Variants in OPA1 observed in about 807,000 individuals in gnomAD.
OPA1 encodes dynamin-like GTPase OPA1, mitochondrial.
Under a neutral mutation model 152.9 loss-of-function variants are expected in OPA1, and 59 were observed. That is an observed-to-expected ratio of 0.39 (90% CI 0.31 to 0.48). The LOEUF is 0.48. Among genes scored for constraint, OPA1 ranks in the 20% least tolerant of loss-of-function variants. OPA1 has a pLI of 0.96. For missense variants in OPA1, 1,008 were observed against 1,216.8 expected (o/e 0.83, Z 2.55); for synonymous variants, 400 against 389.9 (o/e 1.03, Z -0.31).
chr3:193,672,252 G>T (rs1467898061), intron 29 of OPA1, among the ~76,000 whole-genome samples: 1 of 152,090 alleles, frequency 6.6e-6, no homozygotes, highest in Admixed American at 6.5e-5. Context: ...TCTATCTTAT[G>T]ATTGTCATCA....
intron 20 of OPA1, 71 bp downstream of exon 20, chr3:193,648,205 G>A: frequency 8.1e-7 from 1 of 1,228,394 alleles, no homozygotes; most frequent in Non-Finnish European, 1.2e-6. Context: ...AATTTATGTT[G>A]AGAGAAAAAT....
In OPA1 at chr3:193,646,308, G is replaced by A. The variant is rs533964488; in HGVS notation, c.1754+508G>A. The stretch of plus-strand genomic sequence containing the variant: ...GTATGTTTGTTCCTAGGTTAGTACG[G>A]TAAGTCAAGATAGTTCTTGCAAACC... On this transcript the variant is annotated intron_variant, in intron 18 of 30. Coordinates refer to ENST00000361510, the MANE Select transcript of OPA1 (RefSeq NM_130837.3). 1.4e-4 allele frequency among the ~76,000 whole-genome samples: 22 copies of A among 152,320 alleles called. No homozygotes were observed. In the South Asian group the frequency reaches 4.1e-3, roughly 29 times the overall value.
intron 6 of OPA1, among the ~76,000 whole-genome samples, chr3:193,624,771 T>C (rs1272744994): frequency 6.6e-6 from 1 of 152,120 alleles, no homozygotes; most frequent in East Asian, 1.9e-4. Context: ...TGTCTAATAC[T>C]GGCAATGAAC....
chr3:193,620,356 C>G (rs536840736), intron 6 of OPA1, among the ~76,000 whole-genome samples: 52 of 152,222 alleles, frequency 3.4e-4, no homozygotes, highest in African/African-American at 1.2e-3. Flanking sequence ...CCCTTAAAAC[C>G]CGGCTAAGGT....
chr3:193,644,847 A>G (rs539876042), intron 16 of OPA1, among the ~76,000 whole-genome samples: 1 of 152,268 alleles, frequency 6.6e-6, no homozygotes, highest in Non-Finnish European at 1.5e-5. Context: ...TCCTTTTTGT[A>G]TAAAAGATTC....
At chr3:193,678,851 C>T (rs1719635906) in intron 29 of OPA1, among the ~76,000 whole-genome samples, 1 of 152,164 alleles carries the variant, frequency 6.6e-6, no homozygotes, top group South Asian at 2.1e-4. Flanking sequence ...CATCTTAAAA[C>T]TAATGGGTTG....
intron 29 of OPA1, among the ~76,000 whole-genome samples, chr3:193,689,331 C>G (rs1721368634): frequency 6.6e-6 from 1 of 152,140 alleles, no homozygotes; most frequent in African/African-American, 2.4e-5. Context: ...CACCTCCTAC[C>G]CCCATTACTT....
intron 7 of OPA1, among the ~76,000 whole-genome samples, chr3:193,627,767 C>A (rs1179201086): frequency 6.6e-6 from 1 of 152,150 alleles, no homozygotes; most frequent in Admixed American, 6.5e-5. Context: ...TTTAAGCCTA[C>A]TTTAGTAGCC....
chr3:193,613,863 C>G (rs545979395), intron 1 of OPA1: 201 of 511,322 alleles, frequency 3.9e-4, no homozygotes, highest in African/African-American at 3.6e-3. Flanking sequence ...CAGGTGTGAG[C>G]CACCACACCC....
intron 29 of OPA1, among the ~76,000 whole-genome samples, chr3:193,685,177 C>T (rs1473558967): frequency 6.6e-6 from 1 of 151,932 alleles, no homozygotes; most frequent in Non-Finnish European, 1.5e-5. Context: ...TGATGCCTGC[C>T]TGTAGTCCCA....
chr3:193,666,281 T>C lies in OPA1; in HGVS notation c.2779-15T>C, dbSNP rs186677853. 5.0e-6 allele frequency: 8 copies of C among 1,607,016 alleles called. No homozygotes were observed. The highest frequency in any genetic ancestry group is 2.2e-5 in the South Asian group (2 of 90,936). On this transcript the variant is annotated splice_polypyrimidine_tract_variant and intron_variant, in intron 27 of 30. Transcript: ENST00000361510. ...TAACTTTGCATCTGGTAATCTTAGT[T>C]ACTTAATATTTCAGTTGGAATGCAA...
Position 193,695,596 on chromosome 3 carries a change from T to C in OPA1, c.*996T>C, listed in dbSNP as rs1722183004. The C allele has an allele frequency of 6.6e-6, 1 of 152,212 alleles. No individual in the cohort carries two copies. The highest frequency in any genetic ancestry group is 1.5e-5 in the Non-Finnish European group (1 of 68,032). 9.4% of individuals were successfully genotyped at this position (152,212 alleles called of 1,614,324 possible). A position where few individuals can be genotyped will look rare whatever the true frequency, so the allele number is the denominator to read the frequency against. On this transcript the variant is annotated 3_prime_UTR_variant, in exon 31 of 31. Transcript: ENST00000361510. ...TTAGTTCAATTTATTGCAATTTAATTACAATACTACCTTCACAACATTTTC... is the reference window on the plus strand; with the variant it reads ...TTAGTTCAATTTATTGCAATTTAATCACAATACTACCTTCACAACATTTTC...
At chr3:193,668,608 C>T in intron 29 of OPA1, 1 of 1,536,262 alleles carries the variant, frequency 6.5e-7, no homozygotes, top group Non-Finnish European at 8.8e-7. Context: ...TGTGCTTCGC[C>T]AGCCTGCACC....
chr3:193,676,249 C>A (rs548311372), intron 29 of OPA1, among the ~76,000 whole-genome samples: 9 of 151,438 alleles, frequency 5.9e-5, no homozygotes, highest in Non-Finnish European at 1.2e-4. Context: ...TTTTTTTTTC[C>A]TCTTCACTAC....
chr3:193,612,795 C>A (rs1352192386), intron 1 of OPA1, among the ~76,000 whole-genome samples: 14 of 152,176 alleles, frequency 9.2e-5, no homozygotes, highest in Admixed American at 9.2e-4. Context: ...AGGTCTGAGG[C>A]CTCTAACTGA....
chr3:193,614,952 T>C lies in OPA1; in HGVS notation c.262T>C (p.Phe88Leu), dbSNP rs568567404. The C allele has an allele frequency of 4.3e-6, 7 of 1,614,162 alleles. No individual in the cohort carries two copies. The African/African-American group carries it at 9.3e-5, about 22-fold the overall frequency. ...ATATGGCTACCAGCCTCGCAGGAAT[T>C]TTTGGCCAGCAAGATTAGCTACGAG... ...IKYGYQPRRN[F>L]WPARLATRLL... Residue 88 changes from phenylalanine to leucine, a missense_variant, in exon 2 of 31, where the codon TTT becomes CTT. Physicochemically the swap from Phe to Leu is conservative, Grantham distance 22. Coordinates refer to ENST00000361510, the MANE Select transcript of OPA1 (RefSeq NM_130837.3).
intron 3 of OPA1, 36 bp from the exon 4 acceptor site, chr3:193,617,142 T>G (rs1186911706): frequency 8.0e-7 from 1 of 1,243,140 alleles, no homozygotes; most frequent in African/African-American, 1.5e-5. Flanking sequence ...ACATATTTTC[T>G]TAGTTTCATA....
At chr3:193,613,609 A>G (rs1218044320) in intron 1 of OPA1, among the ~76,000 whole-genome samples, 1 of 147,186 alleles carries the variant, frequency 6.8e-6, no homozygotes, top group Non-Finnish European at 1.5e-5. Flanking sequence ...GTGGAGTCTC[A>G]CTCTGTTGCC....
chr3:193,634,629 C>T (rs1394211490), intron 8 of OPA1, among the ~76,000 whole-genome samples: 1 of 152,112 alleles, frequency 6.6e-6, no homozygotes, highest in Non-Finnish European at 1.5e-5. Flanking sequence ...AGAATGCTCT[C>T]GATCTCTTGG....
Sources: gnomAD v4.1 joint callset for allele counts (sites outside exome capture counted in the v4.1 genomes callset) on GRCh38, gnomAD v4.1.1 for gene constraint, MANE v1.5 for transcripts, NCBI Gene and HGNC (gene_info 2026-07-23, HGNC 2026-07-21) for gene names.